The following MAGI1 variants were observed in gnomAD, a reference collection of about 807,000 sequenced individuals.
The protein encoded by MAGI1 is membrane-associated guanylate kinase, WW and PDZ domain-containing protein 1.
MAGI1 carries 58 observed loss-of-function variants against 139.9 expected under a neutral mutation model. The observed-to-expected ratio is 0.41, with a 90% confidence interval of 0.34 to 0.52. The LOEUF (loss-of-function observed/expected upper bound fraction) is 0.52, where lower values mean the gene tolerates loss of function less well. MAGI1 is among the 20% of genes least tolerant of loss of function. The pLI is 0.12. For missense variants in MAGI1, 1,874 were observed against 1,901.6 expected, an observed-to-expected ratio of 0.99 and a Z score of 0.27; for synonymous variants, 812 against 737.9, an observed-to-expected ratio of 1.10 and a Z score of -1.63.
intron 1 of MAGI1, among the ~76,000 whole-genome samples, chr3:66,022,503 G>A (rs927020877): frequency 1.3e-5 from 2 of 152,078 alleles, no homozygotes; most frequent in Admixed American, 6.6e-5. Flanking sequence ...AATAAATGTG[G>A]CTCATAGATT....
chr3:65,971,096 G>A (rs1373087734), intron 1 of MAGI1, among the ~76,000 whole-genome samples: 10 of 152,116 alleles, frequency 6.6e-5, no homozygotes, highest in Non-Finnish European at 1.3e-4. Context: ...CCAGCTACTC[G>A]GGAGGCTGAG....
chr3:65,967,600 C>A (rs2064818930), intron 1 of MAGI1, among the ~76,000 whole-genome samples: 1 of 152,164 alleles, frequency 6.6e-6, no homozygotes, highest in Admixed American at 6.5e-5. Context: ...GCTAGAGAAA[C>A]CATCTCCCAA....
rs1056620438 is a variant in MAGI1, at chr3:65,559,675, G to A, written c.430+62297C>T. On this transcript the variant is annotated intron_variant, in intron 2 of 22. Transcript: ENST00000402939. ...TTATTCCCTTTTTATAGATCAGAAA[G>A]TGGAAGCCCAGAAAGGCTACAAAAC... Among the ~76,000 whole-genome samples, 12 of 152,276 alleles carry A rather than the reference G, an allele frequency of 7.9e-5. No individual in the cohort carries two copies. The South Asian group carries it at 2.3e-3, about 29-fold the overall frequency.
intron 2 of MAGI1, among the ~76,000 whole-genome samples, chr3:65,591,263 C>T (rs187242131): frequency 3.1e-4 from 47 of 152,232 alleles, no homozygotes; most frequent in Admixed American, 1.7e-3. Context: ...TGTCCCCCAT[C>T]TAGCAAATGA....
intron 1 of MAGI1, among the ~76,000 whole-genome samples, chr3:65,761,532 C>G (rs1485929204): frequency 6.6e-6 from 1 of 152,160 alleles, no homozygotes; most frequent in African/African-American, 2.4e-5. Context: ...TCTAACCTCT[C>G]CAAACGCTTT....
intron 2 of MAGI1, among the ~76,000 whole-genome samples, chr3:65,592,738 A>C (rs1343661940): frequency 6.6e-6 from 1 of 152,188 alleles, no homozygotes; most frequent in African/African-American, 2.4e-5. Context: ...CTAGTGTGTA[A>C]TTTTATGCTG....
intron 14 of MAGI1, among the ~76,000 whole-genome samples, chr3:65,388,968 C>T (rs1020865297): frequency 2.6e-5 from 4 of 151,438 alleles, no homozygotes; most frequent in Non-Finnish European, 5.9e-5. Context: ...CTCAGCCTCC[C>T]GAGTAGCTGG....
At chr3:65,810,714 G>GC (rs1309433358) in intron 1 of MAGI1, among the ~76,000 whole-genome samples, 18 of 152,210 alleles carry the variant, frequency 1.2e-4, no homozygotes. Context: ...GCGAGGGAAA[G>GC]CCCGCACTCC....
At chr3:65,613,686 C>T (rs1021245570) in intron 2 of MAGI1, among the ~76,000 whole-genome samples, 5 of 152,094 alleles carry the variant, frequency 3.3e-5, no homozygotes, top group African/African-American at 1.2e-4. Flanking sequence ...TTAGCTGATG[C>T]TGGGAAAAGG....
chr3:65,763,794 G>C (rs1268324381), intron 1 of MAGI1, among the ~76,000 whole-genome samples: 1 of 151,932 alleles, frequency 6.6e-6, no homozygotes, highest in African/African-American at 2.4e-5. Context: ...CCTGAGGCCA[G>C]GCACAGTGGC....
At chr3:65,566,152 G>T (rs568273081) in intron 2 of MAGI1, among the ~76,000 whole-genome samples, 4 of 151,864 alleles carry the variant, frequency 2.6e-5, no homozygotes, top group Non-Finnish European at 5.9e-5. Context: ...TACTCGGGAG[G>T]CTGAGGCAGA....
intron 2 of MAGI1, among the ~76,000 whole-genome samples, chr3:65,505,799 G>A (rs898495267): frequency 6.6e-6 from 1 of 151,780 alleles, no homozygotes; most frequent in African/African-American, 2.4e-5. Context: ...TTAAAGGAGT[G>A]AATATTATTA....
At chr3:65,473,930 A>G (rs1293156425) in intron 4 of MAGI1, among the ~76,000 whole-genome samples, 1 of 152,220 alleles carries the variant, frequency 6.6e-6, no homozygotes, top group African/African-American at 2.4e-5. Flanking sequence ...AAGAATTCAC[A>G]GCCTTAGTCA....
intron 2 of MAGI1, among the ~76,000 whole-genome samples, chr3:65,535,448 G>C (rs2078920741): frequency 6.6e-6 from 1 of 152,202 alleles, no homozygotes; most frequent in African/African-American, 2.4e-5. Context: ...GAAGAAGGAA[G>C]CTGTATAGAT....
At chr3:65,526,640 C>T (rs910660698) in intron 2 of MAGI1, among the ~76,000 whole-genome samples, 7 of 152,192 alleles carry the variant, frequency 4.6e-5, no homozygotes, top group Non-Finnish European at 7.3e-5. Context: ...CAATTCTCTC[C>T]TCACATGCCC....
intron 18 of MAGI1, 33 bp downstream of exon 18, chr3:65,375,706 AAAAGAG>A: frequency 1.4e-6 from 2 of 1,406,418 alleles, no homozygotes; most frequent in Non-Finnish European, 2.0e-6. Flanking sequence ...GAGAGAGAGA[AAAAGAG>A]AGAGAGAGAG....
At chr3:65,594,686 C>T (rs879624628) in intron 2 of MAGI1, among the ~76,000 whole-genome samples, 1 of 151,416 alleles carries the variant, frequency 6.6e-6, no homozygotes, top group Admixed American at 6.6e-5. Flanking sequence ...ATTTTTTTTT[C>T]AAAGGAAAAA....
chr3:65,565,900 A>G (rs1399236573), intron 2 of MAGI1, among the ~76,000 whole-genome samples: 1 of 150,934 alleles, frequency 6.6e-6, no homozygotes, highest in Non-Finnish European at 1.5e-5. Flanking sequence ...CACAACGGAC[A>G]GTGGATTTGG....
chr3:65,507,544 T>C (rs560604220), intron 2 of MAGI1, among the ~76,000 whole-genome samples: 2 of 152,204 alleles, frequency 1.3e-5, no homozygotes, highest in African/African-American at 4.8e-5. Flanking sequence ...CCATAAATAA[T>C]GACATCAGCA....
Sources: allele counts gnomAD v4.1 joint callset (sites outside exome capture counted in the v4.1 genomes callset), GRCh38; gene constraint gnomAD v4.1.1; transcripts MANE v1.5; gene names NCBI Gene and HGNC (gene_info 2026-07-23, HGNC 2026-07-21).